The following FLT3 variants were observed in gnomAD, a reference collection of about 807,000 sequenced individuals.
The protein encoded by FLT3 is fms related receptor tyrosine kinase 3.
In FLT3, 46 loss-of-function variants were observed where a neutral mutation model predicts 126.6. The observed-to-expected ratio is 0.36, with a 90% CI of 0.29 to 0.46. The LOEUF is 0.46. Ranked by LOEUF, FLT3 falls within the 20% of genes least tolerant of loss-of-function variation. The probability of loss-of-function intolerance (pLI) is 1.00; values close to 1 mark genes in which losing one functional copy is unlikely to be tolerated. For missense variants in FLT3, 1,069 were observed against 1,190.3 expected, an observed-to-expected ratio of 0.90 and a Z score of 1.50; for synonymous variants, 404 against 434.4, an observed-to-expected ratio of 0.93 and a Z score of 0.87.
chr13:28,019,745 C>T (rs575210196), intron 19 of FLT3, among the ~76,000 whole-genome samples: 19 of 152,314 alleles, frequency 1.2e-4, no homozygotes, highest in African/African-American at 4.6e-4. Context: ...CGGGACCTCC[C>T]TGTGGTGTCT....
intron 23 of FLT3, among the ~76,000 whole-genome samples, chr13:28,011,871 C>G (rs1871421054): frequency 6.6e-6 from 1 of 151,794 alleles, no homozygotes; most frequent in Non-Finnish European, 1.5e-5. Flanking sequence ...CATCTCGGCT[C>G]ACTGCAACAT....
chr13:28,049,655 C>T lies in FLT3; in HGVS notation c.862G>A (p.Glu288Lys). The T allele has an allele frequency of 6.2e-7, 1 of 1,614,120 alleles. No homozygotes were observed. The part of the protein sequence containing the change: ...NHGFGLTWEL[E>K]NKALEEGNYF... ...ATTACCTCCTCGAGTGCTTTGTTTT[C>T]TAATTCCCAGGTGAGCCCGAATCCA... The change falls in exon 7 of 24, where the codon GAA (glutamate) becomes AAA (lysine). Residue 288 changes from glutamate (E) to lysine (K), a missense_variant. Physicochemically the swap from Glu to Lys is moderately conservative, Grantham distance 56 (BLOSUM62 1). Coordinates refer to ENST00000241453, the MANE Select transcript of FLT3 (RefSeq NM_004119.3).
intron 21 of FLT3, 89 bp from the exon 22 acceptor site, chr13:28,015,345 C>T (rs996609859): frequency 3.2e-6 from 3 of 941,912 alleles, no homozygotes; most frequent in Admixed American, 4.0e-5. Flanking sequence ...TGAGATCTGC[C>T]ATGTGCCAGA....
chr13:28,057,085 C>T (rs1056813735), intron 4 of FLT3, among the ~76,000 whole-genome samples: 2 of 152,236 alleles, frequency 1.3e-5, no homozygotes, highest in African/African-American at 4.8e-5. Flanking sequence ...TGTCAGCCAT[C>T]TGCTACTGAA....
intron 15 of FLT3, among the ~76,000 whole-genome samples, chr13:28,033,040 G>T (rs745802464): frequency 6.6e-6 from 1 of 151,900 alleles, no homozygotes; most frequent in Non-Finnish European, 1.5e-5. Context: ...CTCCTACCCA[G>T]AGTCTGTTTC....
intron 9 of FLT3, among the ~76,000 whole-genome samples, chr13:28,041,011 C>T (rs1323497279): frequency 6.6e-6 from 1 of 151,468 alleles, no homozygotes; most frequent in East Asian, 1.9e-4. Context: ...GTTTAACCTT[C>T]TTTTGCTTTG....
intron 1 of FLT3, among the ~76,000 whole-genome samples, chr13:28,090,281 C>T (rs973283983): frequency 4.0e-5 from 6 of 151,096 alleles, no homozygotes; most frequent in Non-Finnish European, 7.4e-5. Context: ...CTTGATCCGC[C>T]TGCCTCAGCC....
At chr13:28,032,150 T>TA (rs1873400789) in intron 15 of FLT3, among the ~76,000 whole-genome samples, 1 of 152,222 alleles carries the variant, frequency 6.6e-6, no homozygotes, top group African/African-American at 2.4e-5. Context: ...TGGCATTCAT[T>TA]ACCAGTCACA....
chr13:28,019,975 C>T (rs1027435937), intron 19 of FLT3, among the ~76,000 whole-genome samples: 1 of 152,168 alleles, frequency 6.6e-6, no homozygotes, highest in Non-Finnish European at 1.5e-5. Flanking sequence ...TGCCCACATC[C>T]CTATTTCCAA....
chr13:28,070,997 T>TG (rs1232927934), intron 1 of FLT3, among the ~76,000 whole-genome samples: 3 of 134,792 alleles, frequency 2.2e-5, no homozygotes, highest in African/African-American at 8.6e-5. Flanking sequence ...CTACCTTTTT[T>TG]TTTTTTTTTT....
intron 9 of FLT3, among the ~76,000 whole-genome samples, chr13:28,046,263 C>T (rs1874866116): frequency 6.6e-6 from 1 of 152,164 alleles, no homozygotes; most frequent in Non-Finnish European, 1.5e-5. Context: ...GTAGACAACT[C>T]CATGCAAACC....
intron 2 of FLT3, among the ~76,000 whole-genome samples, chr13:28,063,756 A>T (rs1257587711): frequency 6.6e-6 from 1 of 151,782 alleles, no homozygotes; most frequent in Non-Finnish European, 1.5e-5. Flanking sequence ...AAAAAGACTA[A>T]TCTTGCCCTT....
At chr13:28,038,821 C>T (rs775097655) in intron 9 of FLT3, among the ~76,000 whole-genome samples, 7 of 152,002 alleles carry the variant, frequency 4.6e-5, no homozygotes, top group Non-Finnish European at 8.8e-5. Flanking sequence ...TCAGAGTGGA[C>T]GCAGCTTTAG....
intron 18 of FLT3, 86 bp from the exon 19 acceptor site, chr13:28,023,563 A>T: frequency 1.4e-6 from 2 of 1,444,806 alleles, no homozygotes; most frequent in Non-Finnish European, 1.9e-6. Context: ...TTCAAGCCAG[A>T]GTTAGGTGAG....
chr13:28,075,971 A>G (rs1877899265), intron 1 of FLT3, among the ~76,000 whole-genome samples: 2 of 151,810 alleles, frequency 1.3e-5, no homozygotes, highest in Admixed American at 6.6e-5. Context: ...AATTTTTTGT[A>G]TTTTTAGTAG....
chr13:28,016,627 C>G (rs762967465), intron 20 of FLT3, among the ~76,000 whole-genome samples: 1 of 152,204 alleles, frequency 6.6e-6, no homozygotes, highest in Non-Finnish European at 1.5e-5. Context: ...TTAATCAGCA[C>G]ATGCTTAATC....
chr13:28,090,279 G>A (rs969912134), intron 1 of FLT3, among the ~76,000 whole-genome samples: 6 of 151,386 alleles, frequency 4.0e-5, no homozygotes, highest in African/African-American at 1.5e-4. Context: ...CTCTTGATCC[G>A]CCTGCCTCAG....
chr13:28,042,240 T>C (rs1200067224), intron 9 of FLT3, among the ~76,000 whole-genome samples: 1 of 150,678 alleles, frequency 6.6e-6, no homozygotes. Flanking sequence ...TTGATGCCCA[T>C]CAACAGGAGT....
At chr13:28,087,745 T>C (rs1170003245) in intron 1 of FLT3, among the ~76,000 whole-genome samples, 1 of 152,184 alleles carries the variant, frequency 6.6e-6, no homozygotes, top group Non-Finnish European at 1.5e-5. Context: ...TTTTGGATAG[T>C]TTCTGTTGCT....
Sources: allele counts gnomAD v4.1 joint callset (sites outside exome capture counted in the v4.1 genomes callset), GRCh38; gene constraint gnomAD v4.1.1; transcripts MANE v1.5; gene names NCBI Gene and HGNC (gene_info 2026-07-23, HGNC 2026-07-21).